ARK2N: variants seen among roughly 807,000 people sequenced by gnomAD.
ARK2N encodes protein ARK2N.
At chr18:46,194,273 C>T in the ARK2N span, among the ~76,000 whole-genome samples, 1 of 150,606 alleles carries the variant, frequency 6.6e-6, no homozygotes, top group Non-Finnish European at 1.5e-5. Context: ...TTTGATTTTT[C>T]CCATGTCTTT....
At chr18:46,209,542 A>G in the ARK2N span, among the ~76,000 whole-genome samples, 2 of 152,162 alleles carry the variant, frequency 1.3e-5, no homozygotes, top group African/African-American at 4.8e-5. Context: ...TAAAGAGTAC[A>G]AGGGCTAAAA....
the ARK2N span, among the ~76,000 whole-genome samples, chr18:46,179,737 T>C: frequency 6.6e-6 from 1 of 151,966 alleles, no homozygotes; most frequent in Admixed American, 6.6e-5. Context: ...GCGATTCTCC[T>C]GCCTCAGCCT....
At chr18:46,189,889 T>C in the ARK2N span, among the ~76,000 whole-genome samples, 1 of 152,120 alleles carries the variant, frequency 6.6e-6, no homozygotes, top group Non-Finnish European at 1.5e-5. Context: ...GAAAACCTTA[T>C]CTTTTAAATG....
At chr18:46,261,997 G>T in the ARK2N span, among the ~76,000 whole-genome samples, 1 of 152,182 alleles carries the variant, frequency 6.6e-6, no homozygotes, top group African/African-American at 2.4e-5. Context: ...CAGCTGCTCA[G>T]GAGCCACTGT....
At chr18:46,218,649 C>T in the ARK2N span, 1 of 152,152 alleles carries the variant, frequency 6.6e-6, no homozygotes, top group African/African-American at 2.4e-5. Context: ...AAAATTGTGA[C>T]ATTGTGAATT....
At chr18:46,228,795 G>A in the ARK2N span, 6 of 398,376 alleles carry the variant, frequency 1.5e-5, no homozygotes, top group Admixed American at 4.4e-5. Context: ...GGCCTCAGAC[G>A]CCTGGGCTTA....
the ARK2N span, among the ~76,000 whole-genome samples, chr18:46,250,592 T>A: frequency 6.6e-6 from 1 of 151,500 alleles, no homozygotes; most frequent in Non-Finnish European, 1.5e-5. Flanking sequence ...GTCTAACTGG[T>A]TTTGTTGCCT....
the ARK2N span, chr18:46,253,868 C>A: frequency 6.5e-7 from 1 of 1,531,396 alleles, no homozygotes; most frequent in South Asian, 1.2e-5. Context: ...GTTATAAATT[C>A]TATTTTAACC....
the ARK2N span, among the ~76,000 whole-genome samples, chr18:46,261,531 T>C: frequency 6.6e-6 from 1 of 152,238 alleles, no homozygotes. Flanking sequence ...CTGACATTTT[T>C]CCATGACTAC....
the ARK2N span, among the ~76,000 whole-genome samples, chr18:46,194,477 T>A: frequency 6.7e-6 from 1 of 149,260 alleles, no homozygotes; most frequent in African/African-American, 2.5e-5. Context: ...TTTTTTTTTT[T>A]GTTTGTTTTT....
chr18:46,186,052 G>A, the ARK2N span, among the ~76,000 whole-genome samples: 4 of 152,072 alleles, frequency 2.6e-5, no homozygotes, highest in Non-Finnish European at 5.9e-5. Context: ...TTTTGGACAG[G>A]GAGGGGGGGC....
the ARK2N span, among the ~76,000 whole-genome samples, chr18:46,178,230 T>A: frequency 6.6e-6 from 1 of 152,224 alleles, no homozygotes; most frequent in African/African-American, 2.4e-5. Flanking sequence ...ATTAGTCCGC[T>A]AATGGGTTGG....
the ARK2N span, among the ~76,000 whole-genome samples, chr18:46,230,300 T>G: frequency 6.6e-6 from 1 of 152,240 alleles, no homozygotes; most frequent in South Asian, 2.1e-4. Context: ...TGAGGCAGTC[T>G]GTATTCTCAA....
chr18:46,251,233 A>G, the ARK2N span, among the ~76,000 whole-genome samples: 1 of 152,236 alleles, frequency 6.6e-6, no homozygotes. Flanking sequence ...AACAGTGTGC[A>G]TGAGGATAGG....
At chr18:46,234,825 C>G in the ARK2N span, among the ~76,000 whole-genome samples, 7 of 152,130 alleles carry the variant, frequency 4.6e-5, no homozygotes. Context: ...GGTCTTTTGA[C>G]AGCAACAAGA....
At chr18:46,203,015 AAC>A in the ARK2N span, among the ~76,000 whole-genome samples, 1 of 152,158 alleles carries the variant, frequency 6.6e-6, no homozygotes, top group African/African-American at 2.4e-5. Flanking sequence ...GCATGAAAAA[AAC>A]AGAGACTCTC....
chr18:46,254,734 A>G, the ARK2N span, among the ~76,000 whole-genome samples: 1 of 152,226 alleles, frequency 6.6e-6, no homozygotes, highest in South Asian at 2.1e-4. Context: ...TGTCCTCCCC[A>G]AAGCCTAAGA....
At chr18:46,191,644 A>G in the ARK2N span, among the ~76,000 whole-genome samples, 2 of 152,166 alleles carry the variant, frequency 1.3e-5, no homozygotes, top group African/African-American at 2.4e-5. Flanking sequence ...CGGTTATTGC[A>G]ATTGTTGAAC....
the ARK2N span, among the ~76,000 whole-genome samples, chr18:46,234,812 T>C: frequency 6.6e-6 from 1 of 152,202 alleles, no homozygotes; most frequent in African/African-American, 2.4e-5. Flanking sequence ...GGGCCTGTGA[T>C]AGGGTCTTTT....
Sources: allele counts gnomAD v4.1 joint callset (sites outside exome capture counted in the v4.1 genomes callset), GRCh38; gene constraint gnomAD v4.1.1; transcripts MANE v1.5; gene names NCBI Gene and HGNC (gene_info 2026-07-23, HGNC 2026-07-21).